ANKS1B: variants seen among roughly 807,000 people sequenced by gnomAD.
ANKS1B encodes ankyrin repeat and sterile alpha motif domain-containing protein 1B.
A neutral mutation model predicts 148.3 loss-of-function variants in ANKS1B; 36 were observed. The ratio of observed to expected loss-of-function variants is 0.24; its 90% CI spans 0.19 to 0.32. The LOEUF is 0.32. Ranked by LOEUF, ANKS1B falls within the 10% of genes least tolerant of loss-of-function variation. The pLI is 1.00. For synonymous variants in ANKS1B, 542 were observed against 560.8 expected, an observed-to-expected ratio of 0.97 and a Z score of 0.47; for missense variants, 1,157 against 1,542.6, an observed-to-expected ratio of 0.75 and a Z score of 4.19.
At chr12:99,760,275 G>A (rs898231859) in intron 8 of ANKS1B, among the ~76,000 whole-genome samples, 1 of 151,744 alleles carries the variant, frequency 6.6e-6, no homozygotes, top group African/African-American at 2.4e-5. Flanking sequence ...AAAGATTGAT[G>A]ACATGCTCAG....
At chr12:99,712,581 C>T (rs998159669) in intron 8 of ANKS1B, among the ~76,000 whole-genome samples, 6 of 152,176 alleles carry the variant, frequency 3.9e-5, no homozygotes, top group African/African-American at 1.4e-4. Flanking sequence ...GCTTAAAAGT[C>T]CCAAACCTTA....
At chr12:99,455,828 T>C (rs886854391) in intron 10 of ANKS1B, among the ~76,000 whole-genome samples, 2 of 152,092 alleles carry the variant, frequency 1.3e-5, no homozygotes, top group African/African-American at 4.8e-5. Context: ...GGTTATTGTC[T>C]GCTGGCCCTG....
intron 8 of ANKS1B, among the ~76,000 whole-genome samples, chr12:99,664,918 T>G (rs1567596571): frequency 6.6e-6 from 1 of 152,232 alleles, no homozygotes; most frequent in African/African-American, 2.4e-5. Flanking sequence ...GCCTAATGTT[T>G]TTGAGATTCA....
At chr12:99,646,830 T>C (rs953444489) in intron 9 of ANKS1B, among the ~76,000 whole-genome samples, 11 of 151,796 alleles carry the variant, frequency 7.2e-5, no homozygotes, top group Non-Finnish European at 1.5e-5. Context: ...CTTTTTTTTT[T>C]CTCAATACAA....
At chr12:99,058,702 A>G (rs2041174319) in intron 16 of ANKS1B, among the ~76,000 whole-genome samples, 1 of 140,706 alleles carries the variant, frequency 7.1e-6, no homozygotes, top group African/African-American at 2.7e-5. Context: ...TTTTCTCCTA[A>G]TGAAATTCTA....
intron 24 of ANKS1B, among the ~76,000 whole-genome samples, chr12:98,775,744 G>A (rs1008583001): frequency 1.3e-5 from 2 of 151,916 alleles, no homozygotes; most frequent in African/African-American, 4.8e-5. Context: ...GAGCCACTGT[G>A]CCTGGCCCAG....
chr12:99,322,474 A>T (rs1184161567), intron 12 of ANKS1B, among the ~76,000 whole-genome samples: 4 of 150,908 alleles, frequency 2.7e-5, no homozygotes, highest in Non-Finnish European at 3.0e-5. Flanking sequence ...CTGGAACTTA[A>T]AGTAAAAAAA....
chr12:99,327,652 A>G (rs1041231889), intron 12 of ANKS1B, among the ~76,000 whole-genome samples: 4 of 149,384 alleles, frequency 2.7e-5, no homozygotes, highest in African/African-American at 9.8e-5. Flanking sequence ...TATGCCACTC[A>G]TTGGTCTTAC....
chr12:99,748,288 T>A (rs897539580), intron 8 of ANKS1B, among the ~76,000 whole-genome samples: 3 of 152,128 alleles, frequency 2.0e-5, no homozygotes, highest in African/African-American at 7.2e-5. Flanking sequence ...ACCCAACTGA[T>A]TTTATTTCCT....
At chr12:99,533,407 A>G (rs1344760050) in intron 9 of ANKS1B, among the ~76,000 whole-genome samples, 1 of 152,170 alleles carries the variant, frequency 6.6e-6, no homozygotes, top group Non-Finnish European at 1.5e-5. Context: ...ACTTTAGTGA[A>G]TTCATCTATC....
chr12:99,454,070 A>G (rs2095804751), intron 10 of ANKS1B, among the ~76,000 whole-genome samples: 1 of 152,260 alleles, frequency 6.6e-6, no homozygotes, highest in South Asian at 2.1e-4. Flanking sequence ...CAGAAGCATG[A>G]ACGAGCATTA....
downstream of ANKS1B, among the ~76,000 whole-genome samples, chr12:98,741,829 G>C (rs2097801083): frequency 6.6e-6 from 1 of 152,192 alleles, no homozygotes; most frequent in Non-Finnish European, 1.5e-5. Flanking sequence ...AGCTGATGCT[G>C]CCTCTTACTT....
chr12:99,502,244 C>T (rs79682235), intron 10 of ANKS1B, among the ~76,000 whole-genome samples: 2 of 152,076 alleles, frequency 1.3e-5, no homozygotes, highest in Admixed American at 6.6e-5. Context: ...AGCTTCCCCC[C>T]CTGAATATGC....
In ANKS1B at chr12:98,870,861, C is replaced by T. The variant is rs35057210; in HGVS notation, c.2779-38725G>A. Among the ~76,000 whole-genome samples the T allele has an allele frequency of 3.6e-3, 553 of 152,260 alleles. 1 individual carries two copies. Among genetic ancestry groups the T allele is most frequent in the Middle Eastern group, 6.8e-3 (2 of 294 alleles). ...GATGGTGCTTACAAAATGCCTTTGC[C>T]CGACAGTAACAAGAAAGGTCCCTTA... On this transcript the variant is annotated intron_variant, in intron 17 of 26. Coordinates refer to ENST00000683438, the MANE Select transcript of ANKS1B (RefSeq NM_001352186.2).
chr12:98,832,425 T>C (rs1235686467), intron 17 of ANKS1B, among the ~76,000 whole-genome samples: 2 of 152,064 alleles, frequency 1.3e-5, no homozygotes, highest in Non-Finnish European at 2.9e-5. Flanking sequence ...AACCAGCTCT[T>C]CTTATAAGCA....
chr12:99,746,908 ACT>A (rs746322714), intron 8 of ANKS1B, among the ~76,000 whole-genome samples: 5 of 151,902 alleles, frequency 3.3e-5, no homozygotes, highest in Non-Finnish European at 7.4e-5. Flanking sequence ...TCACCCTCAG[ACT>A]CTCTCTAGTC....
chr12:99,427,018 T>C (rs1441225236), intron 11 of ANKS1B, among the ~76,000 whole-genome samples: 1 of 152,244 alleles, frequency 6.6e-6, no homozygotes, highest in East Asian at 1.9e-4. Context: ...TTATTCATTC[T>C]ACTTTGAAAA....
rs138411416 is a variant in ANKS1B at position 98,961,534 on chromosome 12, A to G, written c.2778+91623T>C. 2.6e-5 allele frequency among the ~76,000 whole-genome samples: 4 copies of G among 151,884 alleles called. No individual in the cohort carries two copies. The East Asian group carries it at 5.8e-4, about 22-fold the overall frequency. ...AAAAGGACATTAATGAGAAATAAGA[A>G]AACATCTGAAGGTGCAAAAAACTCA... On this transcript the variant is annotated intron_variant, in intron 17 of 26. Coordinates refer to ENST00000683438, the MANE Select transcript of ANKS1B (RefSeq NM_001352186.2).
intron 15 of ANKS1B, among the ~76,000 whole-genome samples, chr12:99,108,571 A>T (rs1308182643): frequency 6.6e-6 from 1 of 152,238 alleles, no homozygotes; most frequent in East Asian, 1.9e-4. Flanking sequence ...AGTAAAACCA[A>T]TTATAAATAG....
Sources: allele counts gnomAD v4.1 joint callset (sites outside exome capture counted in the v4.1 genomes callset), GRCh38; gene constraint gnomAD v4.1.1; transcripts MANE v1.5; gene names NCBI Gene and HGNC (gene_info 2026-07-23, HGNC 2026-07-21).